Variants in SOX5 observed in about 807,000 individuals in gnomAD.
The protein encoded by SOX5 is transcription factor SOX-5.
SOX5 carries 9 observed loss-of-function variants against 92.0 expected under a neutral mutation model. The observed-to-expected ratio is 0.10, with a 90% CI of 0.06 to 0.17. The LOEUF (loss-of-function observed/expected upper bound fraction) is 0.17. SOX5 is among the 10% of genes least tolerant of loss of function. The pLI is 1.00. For missense variants in SOX5, 642 were observed against 944.5 expected, an observed-to-expected ratio of 0.68 and a Z score of 4.20; for synonymous variants, 344 against 336.3, an observed-to-expected ratio of 1.02 and a Z score of -0.25.
At chr12:24,406,158 G>C (rs1962893114) in intron 1 of SOX5, among the ~76,000 whole-genome samples, 1 of 152,164 alleles carries the variant, frequency 6.6e-6, no homozygotes, top group Non-Finnish European at 1.5e-5. Context: ...TCCTAGAGCA[G>C]GTGTGGGCCA....
intron 1 of SOX5, among the ~76,000 whole-genome samples, chr12:24,452,533 G>C (rs1433529227): frequency 6.6e-6 from 1 of 152,048 alleles, no homozygotes; most frequent in African/African-American, 2.4e-5. Context: ...TGAGTTTCTA[G>C]GAAATCATTG....
At chr12:24,006,003 T>C (rs936375422) in intron 4 of SOX5, among the ~76,000 whole-genome samples, 1 of 152,190 alleles carries the variant, frequency 6.6e-6, no homozygotes, top group Admixed American at 6.5e-5. Flanking sequence ...AGTTTTTGCA[T>C]TGATACCCAA....
rs191274525 is a variant in SOX5 at position 23,612,117 on chromosome 12, T to G, written c.1018-7584A>C. 3.6e-3 allele frequency among the ~76,000 whole-genome samples: 546 copies of G among 152,170 alleles called. 1 individual carries two copies. The highest frequency in any genetic ancestry group is 0.012 in the African/African-American group (507 of 41,544). ...TGTTTAAAATTATTTTTATACGTATTATCCTTTTCTCCCAGTGTAATCTCA... is the reference window on the plus strand; with the variant it reads ...TGTTTAAAATTATTTTTATACGTATGATCCTTTTCTCCCAGTGTAATCTCA... On this transcript the variant is annotated intron_variant, in intron 8 of 14. Transcript: ENST00000451604.
intron 3 of SOX5, among the ~76,000 whole-genome samples, chr12:23,813,473 G>A (rs959755391): frequency 6.6e-6 from 1 of 152,058 alleles, no homozygotes; most frequent in African/African-American, 2.4e-5. Flanking sequence ...CCAATCACAA[G>A]ATCTGATGAC....
chr12:23,819,844 G>C (rs910714857), intron 3 of SOX5, among the ~76,000 whole-genome samples: 1 of 152,056 alleles, frequency 6.6e-6, no homozygotes, highest in African/African-American at 2.4e-5. Context: ...TGGGCATTTG[G>C]GTTGGCTCCA....
chr12:24,264,889 C>A lies in SOX5; in HGVS notation c.-77+12327G>T, dbSNP rs151003549. Among the ~76,000 whole-genome samples, 192 of 152,144 alleles carry A rather than the reference C, an allele frequency of 1.3e-3. 1 individual carries two copies. Among genetic ancestry groups the A allele is most frequent in the African/African-American group, 4.4e-3 (181 of 41,506 alleles). On this transcript the variant is annotated intron_variant, in intron 3 of 4. Transcript: ENST00000446891. ...TGCTGAATTTATTTTCAAAGTATTC[C>A]AAAAATCTCAAATCTGGAGTATTGT... is the stretch of plus-strand genomic sequence containing the variant.
Position 23,583,959 on chromosome 12 carries a change from C to T in SOX5, c.1165-8121G>A, listed in dbSNP as rs148927966. On this transcript the variant is annotated intron_variant, in intron 9 of 14. Transcript: ENST00000451604. ...ATTAACAAAAAAAGTAAAACAGGAG[C>T]TCACAGAGCAATACGACTTTATAAA... 1.2e-4 allele frequency among the ~76,000 whole-genome samples: 19 copies of T among 152,192 alleles called. No homozygotes were observed. In the East Asian group the frequency reaches 3.5e-3, roughly 28 times the overall value.
intron 3 of SOX5, among the ~76,000 whole-genome samples, chr12:23,793,575 A>T (rs2095513555): frequency 6.6e-6 from 1 of 152,212 alleles, no homozygotes; most frequent in Non-Finnish European, 1.5e-5. Flanking sequence ...GCCTTTCTGC[A>T]GAATTTGCTG....
intron 1 of SOX5, among the ~76,000 whole-genome samples, chr12:24,478,362 G>T (rs780625098): frequency 6.6e-6 from 1 of 152,142 alleles, no homozygotes; most frequent in Non-Finnish European, 1.5e-5. Flanking sequence ...TTTCTTGAAA[G>T]AAGAGAGACA....
chr12:24,258,213 G>C (rs1941544393), intron 3 of SOX5, among the ~76,000 whole-genome samples: 1 of 152,062 alleles, frequency 6.6e-6, no homozygotes, highest in African/African-American at 2.4e-5. Context: ...TGAGAACTAA[G>C]CCATATTTGG....
intron 1 of SOX5, among the ~76,000 whole-genome samples, chr12:24,501,370 C>T (rs112828755): frequency 0.012 from 1,741 of 148,144 alleles, 32 homozygotes; most frequent in Non-Finnish European, 0.012. Context: ...CTGGAAAGAT[C>T]CAGTGCAAAA....
chr12:23,626,029 G>C (rs2077737974), intron 8 of SOX5, among the ~76,000 whole-genome samples: 1 of 151,916 alleles, frequency 6.6e-6, no homozygotes, highest in African/African-American at 2.4e-5. Context: ...TAGTTAAGGG[G>C]AAGAAAGAGG....
At chr12:24,538,659 T>C (rs1023797480) in intron 1 of SOX5, among the ~76,000 whole-genome samples, 2 of 148,738 alleles carry the variant, frequency 1.3e-5, no homozygotes, top group Non-Finnish European at 3.0e-5. Context: ...GAAGACAGAC[T>C]CTAATATTTT....
chr12:23,889,447 C>T (rs1349658547), intron 2 of SOX5, among the ~76,000 whole-genome samples: 3 of 151,794 alleles, frequency 2.0e-5, no homozygotes, highest in African/African-American at 7.3e-5. Flanking sequence ...AAACACATAA[C>T]TAACTGTTAG....
At chr12:24,128,772 G>C (rs778338936) in intron 4 of SOX5, among the ~76,000 whole-genome samples, 8 of 152,142 alleles carry the variant, frequency 5.3e-5, no homozygotes, top group Non-Finnish European at 1.0e-4. Flanking sequence ...TTAAACAGGG[G>C]AATAACATGA....
intron 4 of SOX5, chr12:24,212,548 T>G: frequency 1.9e-6 from 1 of 522,248 alleles, no homozygotes. Context: ...CCACCAAGTC[T>G]TCACTCATAA....
chr12:23,960,518 T>TATATTTATATACATATATATTTATATAC (rs1382418552), intron 4 of SOX5, among the ~76,000 whole-genome samples: 25 of 78,686 alleles, frequency 3.2e-4, no homozygotes, highest in South Asian at 2.0e-3. Flanking sequence ...TATATACATA[T>TATATTTATATACATATATATTTATATAC]ATATATATAT....
At chr12:24,227,410 C>A (rs1962313501) in intron 3 of SOX5, 1 of 152,130 alleles carries the variant, frequency 6.6e-6, no homozygotes, top group Admixed American at 6.5e-5. Flanking sequence ...TTTTCTAAGA[C>A]CATTGTTGAT....
chr12:24,385,180 T>C (rs2136412182), intron 1 of SOX5, among the ~76,000 whole-genome samples: 1 of 152,342 alleles, frequency 6.6e-6, no homozygotes, highest in African/African-American at 2.4e-5. Context: ...GAAAACACAG[T>C]ACAGACTGTC....
Sources: gnomAD v4.1 joint callset for allele counts (sites outside exome capture counted in the v4.1 genomes callset) on GRCh38, gnomAD v4.1.1 for gene constraint, MANE v1.5 for transcripts, NCBI Gene and HGNC (gene_info 2026-07-23, HGNC 2026-07-21) for gene names.